Variants in CSMD1 observed in about 807,000 individuals in gnomAD.
CSMD1 encodes CUB and sushi domain-containing protein 1.
In CSMD1, 213 loss-of-function variants were observed where a neutral mutation model predicts 417.5. The ratio of observed to expected loss-of-function variants is 0.51; its 90% CI spans 0.46 to 0.57. The LOEUF (loss-of-function observed/expected upper bound fraction) is 0.57. CSMD1 is among the 20% of genes least tolerant of loss of function. The probability of loss-of-function intolerance (pLI) is 0.00; values close to 1 mark genes in which losing one functional copy is unlikely to be tolerated. For missense variants in CSMD1, 6,923 were observed against 4,529.7 expected (o/e 1.53, Z -15.17); for synonymous variants, 2,862 against 1,736.8 (o/e 1.65, Z -16.11).
At chr8:4,424,931 G>A (rs539519415) in intron 2 of CSMD1, among the ~76,000 whole-genome samples, 1 of 151,928 alleles carries the variant, frequency 6.6e-6, no homozygotes, top group Admixed American at 6.6e-5. Context: ...ACATTGGAAA[G>A]GTTGAGACTG....
intron 10 of CSMD1, among the ~76,000 whole-genome samples, chr8:3,535,964 G>A (rs1403716068): frequency 6.6e-6 from 1 of 152,164 alleles, no homozygotes. Context: ...ACAGTTATAT[G>A]ACAGAGGGCC....
At chr8:3,328,207 G>C (rs185020039) in intron 23 of CSMD1, among the ~76,000 whole-genome samples, 3 of 152,320 alleles carry the variant, frequency 2.0e-5, no homozygotes, top group East Asian at 3.9e-4. Context: ...CTCCTTCTGT[G>C]TCTGAGCCTC....
At chr8:3,847,012 A>C (rs6990010) in intron 5 of CSMD1, among the ~76,000 whole-genome samples, 1 of 152,044 alleles carries the variant, frequency 6.6e-6, no homozygotes, top group Admixed American at 6.6e-5. Flanking sequence ...TTCCAGATCC[A>C]CAGCAGATCA....
At chr8:3,336,401 G>A (rs1408011930) in intron 23 of CSMD1, among the ~76,000 whole-genome samples, 2 of 152,120 alleles carry the variant, frequency 1.3e-5, no homozygotes, top group African/African-American at 4.8e-5. Flanking sequence ...TACAGAGTCT[G>A]AAGAAAAACA....
At chr8:3,709,099 T>C (rs1437372220) in intron 6 of CSMD1, among the ~76,000 whole-genome samples, 1 of 151,432 alleles carries the variant, frequency 6.6e-6, no homozygotes, top group Non-Finnish European at 1.5e-5. Context: ...ATTCTGAGAG[T>C]TAAATATGTT....
chr8:4,801,993 G>T (rs892323703), intron 1 of CSMD1, among the ~76,000 whole-genome samples: 2 of 152,082 alleles, frequency 1.3e-5, no homozygotes, highest in Non-Finnish European at 2.9e-5. Flanking sequence ...TTGAAGCAAG[G>T]CTCAGCATTT....
At chr8:4,434,129 G>A (rs1371559792) in intron 2 of CSMD1, among the ~76,000 whole-genome samples, 5 of 152,318 alleles carry the variant, frequency 3.3e-5, no homozygotes, top group South Asian at 2.1e-4. Context: ...CTTCAGGTCA[G>A]GAGTTTGAGA....
intron 1 of CSMD1, among the ~76,000 whole-genome samples, chr8:4,834,875 G>T (rs1269898988): frequency 3.6e-5 from 5 of 139,034 alleles, no homozygotes; most frequent in Admixed American, 1.6e-4. Flanking sequence ...GAGAAAGGCG[G>T]AAACCCGGGA....
At chr8:3,993,177 G>A (rs1044418722) in intron 5 of CSMD1, among the ~76,000 whole-genome samples, 4 of 152,174 alleles carry the variant, frequency 2.6e-5, no homozygotes, top group Non-Finnish European at 4.4e-5. Context: ...CATGAAGGAA[G>A]CTAGGTTTAG....
intron 3 of CSMD1, among the ~76,000 whole-genome samples, chr8:4,333,354 A>G (rs962242571): frequency 2.0e-5 from 3 of 152,146 alleles, no homozygotes; most frequent in Non-Finnish European, 4.4e-5. Flanking sequence ...GGGCGAGCGC[A>G]GGGTTACTAG....
chr8:4,148,751 A>G (rs891665545), intron 3 of CSMD1, among the ~76,000 whole-genome samples: 1 of 152,092 alleles, frequency 6.6e-6, no homozygotes, highest in Admixed American at 6.5e-5. Context: ...TAAAGGCTCC[A>G]CATCCTAATG....
chr8:4,073,848 A>C lies in CSMD1; in HGVS notation c.416-41749T>G, dbSNP rs187161228. Among the ~76,000 whole-genome samples, 578 of 152,216 alleles carry C rather than the reference A, an allele frequency of 3.8e-3. 4 individuals carry two copies. The highest frequency in any genetic ancestry group is 0.02 in the Middle Eastern group (6 of 294). On this transcript the variant is annotated intron_variant, in intron 3 of 69. Transcript: ENST00000635120. ...ATTGCTTTGTTAATAGTTGGGTTTA[A>C]AACAGTTTAAATTCAGTAATATAGT...
chr8:3,113,813 C>T (rs561948955), intron 42 of CSMD1, among the ~76,000 whole-genome samples: 4 of 152,200 alleles, frequency 2.6e-5, no homozygotes, highest in South Asian at 2.1e-4. Flanking sequence ...CACAGGAGGG[C>T]GGAGGTACAA....
At chr8:3,145,043 T>TG (rs1818755773) in intron 40 of CSMD1, among the ~76,000 whole-genome samples, 2 of 146,714 alleles carry the variant, frequency 1.4e-5, no homozygotes, top group Non-Finnish European at 3.0e-5. Context: ...GAGTAAAGAG[T>TG]TGTGTGTGTG....
chr8:4,213,168 G>A (rs1206500687), intron 3 of CSMD1, among the ~76,000 whole-genome samples: 2 of 152,134 alleles, frequency 1.3e-5, no homozygotes, highest in African/African-American at 2.4e-5. Context: ...TAAACCAAAT[G>A]GGGAGAGACA....
intron 5 of CSMD1, among the ~76,000 whole-genome samples, chr8:3,936,918 T>A (rs1018005374): frequency 6.6e-6 from 1 of 152,164 alleles, no homozygotes; most frequent in Non-Finnish European, 1.5e-5. Context: ...ATATTAAGAA[T>A]GTTTGTGATT....
chr8:4,167,762 G>A (rs1797535786), intron 3 of CSMD1, among the ~76,000 whole-genome samples: 1 of 152,192 alleles, frequency 6.6e-6, no homozygotes, highest in African/African-American at 2.4e-5. Flanking sequence ...GACCAAGGCA[G>A]GAGGATTGCT....
chr8:4,225,813 C>T (rs1349901566), intron 3 of CSMD1, among the ~76,000 whole-genome samples: 1 of 152,108 alleles, frequency 6.6e-6, no homozygotes, highest in South Asian at 2.1e-4. Flanking sequence ...GCATGACATT[C>T]TTAGATGTAA....
intron 5 of CSMD1, among the ~76,000 whole-genome samples, chr8:3,889,486 TATATATAA>T (rs1180327309): frequency 0.01 from 1,133 of 111,908 alleles, 55 homozygotes; most frequent in South Asian, 0.022. Flanking sequence ...TATATATATA[TATATATAA>T]AATATGCTCA....
Sources: allele counts gnomAD v4.1 joint callset (sites outside exome capture counted in the v4.1 genomes callset), GRCh38; gene constraint gnomAD v4.1.1; transcripts MANE v1.5; gene names NCBI Gene and HGNC (gene_info 2026-07-23, HGNC 2026-07-21).